The following RYR2 variants were observed in gnomAD, a reference collection of about 807,000 sequenced individuals.
The protein encoded by RYR2 is ryanodine receptor 2, also known as cardiac muscle ryanodine receptor-calcium release channel.
A neutral mutation model predicts 601.1 loss-of-function variants in RYR2; 227 were observed. That is an observed-to-expected ratio of 0.38 (90% CI 0.34 to 0.42). The LOEUF (loss-of-function observed/expected upper bound fraction) is 0.42. Among genes scored for constraint, RYR2 ranks in the 10% least tolerant of loss-of-function variants. The pLI, the probability that RYR2 is intolerant of heterozygous loss-of-function variation, is 1.00. For synonymous variants in RYR2, 2,223 were observed against 2,175.1 expected (o/e 1.02, Z -0.61); for missense variants, 4,646 against 6,156.5 (o/e 0.75, Z 8.21).
intron 3 of RYR2, among the ~76,000 whole-genome samples, chr1:237,336,258 T>C (rs952341696): frequency 6.6e-5 from 10 of 152,126 alleles, no homozygotes; most frequent in African/African-American, 2.4e-4. Flanking sequence ...CATTTCAAAA[T>C]TTTTTCCAAG....
intron 1 of RYR2, among the ~76,000 whole-genome samples, chr1:237,045,868 GGTTTTTTTTT>G (rs1660522167): frequency 9.7e-6 from 1 of 103,588 alleles, no homozygotes; most frequent in African/African-American, 4.4e-5. Flanking sequence ...CCTTGGTCAA[GGTTTTTTTTT>G]TTTTTTTTTT....
intron 1 of RYR2, among the ~76,000 whole-genome samples, chr1:237,211,370 T>C (rs1330370245): frequency 6.6e-6 from 1 of 152,244 alleles, no homozygotes; most frequent in African/African-American, 2.4e-5. Flanking sequence ...TGTTATGCTC[T>C]TTACAAGATA....
intron 2 of RYR2, among the ~76,000 whole-genome samples, chr1:237,324,842 G>A (rs945594495): frequency 7.9e-5 from 12 of 152,120 alleles, no homozygotes; most frequent in African/African-American, 2.9e-4. Context: ...TATGTCAAAG[G>A]TCACTTGGAG....
chr1:237,726,323 C>T lies in RYR2; in HGVS notation c.10725+15C>T. 1.3e-6 allele frequency: 2 copies of T among 1,537,540 alleles called. No homozygotes were observed. Among genetic ancestry groups the T allele is most frequent in the Non-Finnish European group, 1.8e-6 (2 of 1,117,492 alleles). ...ATTACTGTCTGGGAAGTACAGTGCT[C>T]AATGGCCTAGAGATTACTAATTAAT... On this transcript the variant is annotated intron_variant, in intron 75 of 104. Transcript: ENST00000366574.
intron 1 of RYR2, among the ~76,000 whole-genome samples, chr1:237,197,147 T>C (rs1680663516): frequency 6.6e-6 from 1 of 152,212 alleles, no homozygotes; most frequent in Non-Finnish European, 1.5e-5. Flanking sequence ...GTCATTCAGA[T>C]AATTTACCGA....
chr1:237,508,838 G>C (rs1033300577), intron 23 of RYR2, among the ~76,000 whole-genome samples: 1 of 143,000 alleles, frequency 7.0e-6, no homozygotes, highest in African/African-American at 2.5e-5. Flanking sequence ...CGCCTCCCGG[G>C]TTCACGCCAT....
chr1:237,654,430 G>A lies in RYR2; in HGVS notation c.7965+16G>A, dbSNP rs1242583907. 8 of 1,612,952 alleles carry A rather than the reference G, an allele frequency of 5.0e-6. No homozygotes were observed. Among genetic ancestry groups the A allele is most frequent in the African/African-American group, 4.0e-5 (3 of 74,874 alleles). On this transcript the variant is annotated intron_variant, in intron 52 of 104. Transcript: ENST00000366574. ...GTCTCAAAAGGTAATTTAATGGTTTGTGGGTTTGTTTGTATCAATAAAATG... is the reference window on the plus strand; with the variant it reads ...GTCTCAAAAGGTAATTTAATGGTTTATGGGTTTGTTTGTATCAATAAAATG...
At chr1:237,669,059 T>C (rs982967497) in intron 58 of RYR2, among the ~76,000 whole-genome samples, 2 of 150,200 alleles carry the variant, frequency 1.3e-5, no homozygotes, top group African/African-American at 4.9e-5. Context: ...GTACTTGAGA[T>C]TAGGGAGTGG....
In RYR2 at chr1:237,540,911, G is replaced by GTATATATATA. The variant is rs61555601; in HGVS notation, c.2907-7510_2907-7501dup. Among the ~76,000 whole-genome samples, 166 of 148,774 alleles carry GTATATATATA rather than the reference G, an allele frequency of 1.1e-3. 1 individual carries two copies. Among genetic ancestry groups the GTATATATATA allele is most frequent in the African/African-American group, 3.0e-3 (122 of 40,378 alleles). On this transcript the variant is annotated intron_variant, in intron 25 of 104. Transcript: ENST00000366574. ...TGATATGGTTGATGCATGTGTGTGT[G>GTATATATATA]TATATATATATATATATATGTATGC...
At chr1:237,206,273 A>AT (rs1405176652) in intron 1 of RYR2, among the ~76,000 whole-genome samples, 2 of 152,070 alleles carry the variant, frequency 1.3e-5, no homozygotes, top group Non-Finnish European at 2.9e-5. Flanking sequence ...GTTTGATTCC[A>AT]TTTTCCCTGC....
intron 1 of RYR2, among the ~76,000 whole-genome samples, chr1:237,123,903 A>C (rs1350691221): frequency 6.6e-6 from 1 of 152,014 alleles, no homozygotes; most frequent in Admixed American, 6.6e-5. Context: ...TCCTGACCTC[A>C]TGATCCACCC....
intron 1 of RYR2, 115 bp downstream of exon 1, chr1:237,042,684 T>TGCC (rs1170837173): frequency 2.8e-5 from 30 of 1,059,104 alleles, no homozygotes; most frequent in Non-Finnish European, 3.5e-5. Flanking sequence ...GGCGAGGGGG[T>TGCC]GCCCCCTGAG....
intron 16 of RYR2, among the ~76,000 whole-genome samples, chr1:237,463,240 G>A (rs758472598): frequency 5.3e-5 from 8 of 152,134 alleles, no homozygotes; most frequent in Non-Finnish European, 1.0e-4. Flanking sequence ...GGCTTTGAAT[G>A]TAAATTCCAA....
rs80344319 is a variant in RYR2 at position 237,414,212 on chromosome 1, T to C, written c.774-2837T>C. Among the ~76,000 whole-genome samples, 12 of 136,032 alleles carry C rather than the reference T, an allele frequency of 8.8e-5. No homozygotes were observed. In the East Asian group the frequency reaches 2.4e-3, roughly 28 times the overall value. 89.2% of individuals were successfully genotyped at this position (136,032 alleles called of 152,430 possible). On this transcript the variant is annotated intron_variant, in intron 10 of 104. Coordinates refer to ENST00000366574, the MANE Select transcript of RYR2 (RefSeq NM_001035.3). ...TGTATACACACACAGACGTGCACAA[T>C]GTCTATATTTTGTCATTCAGTCTTA... is the stretch of plus-strand genomic sequence containing the variant.
intron 1 of RYR2, among the ~76,000 whole-genome samples, chr1:237,127,745 C>T (rs546962014): frequency 4.2e-4 from 60 of 142,154 alleles, no homozygotes; most frequent in African/African-American, 1.3e-3. Flanking sequence ...ACATCCCAGA[C>T]GGGGCGGCGG....
intron 3 of RYR2, among the ~76,000 whole-genome samples, chr1:237,342,470 T>G (rs1208586024): frequency 1.3e-5 from 2 of 152,002 alleles, no homozygotes; most frequent in Admixed American, 6.6e-5. Context: ...ACCTCTTTAG[T>G]GATTGTTGCA....
intron 80 of RYR2, chr1:237,743,471 C>T (rs960581253): frequency 3.3e-6 from 1 of 299,760 alleles, no homozygotes; most frequent in Non-Finnish European, 6.9e-6. Context: ...AAAGTGAGGT[C>T]AGTTTAGAAT....
At chr1:237,184,072 A>G (rs1048602698) in intron 1 of RYR2, among the ~76,000 whole-genome samples, 7 of 152,202 alleles carry the variant, frequency 4.6e-5, no homozygotes, top group African/African-American at 1.4e-4. Flanking sequence ...TGCTATAGGA[A>G]GCCTTCTGGG....
chr1:237,174,750 A>G (rs143131620), intron 1 of RYR2, among the ~76,000 whole-genome samples: 1 of 152,332 alleles, frequency 6.6e-6, no homozygotes, highest in African/African-American at 2.4e-5. Context: ...GTAAACTCAT[A>G]ATAGGCCTAT....
Sources: gnomAD v4.1 joint callset for allele counts (sites outside exome capture counted in the v4.1 genomes callset) on GRCh38, gnomAD v4.1.1 for gene constraint, MANE v1.5 for transcripts, NCBI Gene and HGNC (gene_info 2026-07-23, HGNC 2026-07-21) for gene names.